GRM4: variants seen among roughly 807,000 people sequenced by gnomAD.
GRM4 encodes glutamate metabotropic receptor 4.
Under a neutral mutation model 81.7 loss-of-function variants are expected in GRM4, and 28 were observed. The observed-to-expected ratio is 0.34, with a 90% CI of 0.25 to 0.47. The LOEUF (loss-of-function observed/expected upper bound fraction) is 0.47, where lower values mean the gene tolerates loss of function less well. GRM4 is among the 20% of genes least tolerant of loss of function. The probability of loss-of-function intolerance (pLI) is 1.00; values close to 1 mark genes in which losing one functional copy is unlikely to be tolerated. For missense variants in GRM4, 948 were observed against 1,290.0 expected, an observed-to-expected ratio of 0.73 and a Z score of 4.06; for synonymous variants, 488 against 528.8, an observed-to-expected ratio of 0.92 and a Z score of 1.06.
At chr6:34,062,215 G>T (rs1038359973) in intron 3 of GRM4, 187 bp from the exon 4 acceptor site, 3 of 533,074 alleles carry the variant, frequency 5.6e-6, no homozygotes, top group Non-Finnish European at 9.8e-6. Flanking sequence ...GCCAGTCTTG[G>T]CTCCACTTAC....
chr6:34,039,383 G>A (rs1764884243), intron 8 of GRM4, among the ~76,000 whole-genome samples: 1 of 152,214 alleles, frequency 6.6e-6, no homozygotes, highest in Admixed American at 6.5e-5. Context: ...CAAGGAGAGT[G>A]GAGGCCAGAT....
intron 2 of GRM4, among the ~76,000 whole-genome samples, chr6:34,117,081 G>T (rs866713752): frequency 1.3e-5 from 2 of 152,120 alleles, no homozygotes; most frequent in African/African-American, 4.8e-5. Flanking sequence ...ATCGGATACC[G>T]GCAAATGCAT....
intron 2 of GRM4, among the ~76,000 whole-genome samples, chr6:34,107,297 G>A (rs182445314): frequency 6.6e-6 from 1 of 152,136 alleles, no homozygotes; most frequent in Non-Finnish European, 1.5e-5. Context: ...CCCTGGCAAG[G>A]GGGGAGAGGC....
intron 2 of GRM4, chr6:34,103,646 G>A (rs1247940831): frequency 3.9e-6 from 6 of 1,533,638 alleles, no homozygotes; most frequent in Non-Finnish European, 5.2e-6. Context: ...AGGCCGGGAG[G>A]AGCCCAGGCA....
At chr6:34,128,304 C>G (rs1561829692) in intron 2 of GRM4, among the ~76,000 whole-genome samples, 1 of 152,008 alleles carries the variant, frequency 6.6e-6, no homozygotes, top group Non-Finnish European at 1.5e-5. Flanking sequence ...TGTGCTGTGA[C>G]ATTTCCTGTG....
rs566518006 is a variant in GRM4, at chr6:34,065,460, C to T, written c.737-3432G>A. Among the ~76,000 whole-genome samples, 12 of 152,306 alleles carry T rather than the reference C, an allele frequency of 7.9e-5. No homozygotes were observed. In the East Asian group the frequency reaches 1.7e-3, roughly 22 times the overall value. On this transcript the variant is annotated intron_variant, in intron 3 of 10. Transcript: ENST00000538487. ...AAGCCCTCAGGGAACAAGCCCACTC[C>T]GTATCTCAGGGCAGAGGCTGGAGCC...
intron 9 of GRM4, among the ~76,000 whole-genome samples, chr6:34,033,171 C>T (rs1199822951): frequency 6.6e-6 from 1 of 152,192 alleles, no homozygotes; most frequent in Non-Finnish European, 1.5e-5. Flanking sequence ...ATGGCTGCAC[C>T]AGGGCTGCTT....
In GRM4 at chr6:34,111,574, G is replaced by C. The variant is rs866663778; in HGVS notation, c.520-19475C>G. Among the ~76,000 whole-genome samples the C allele has an allele frequency of 1.3e-5, 2 of 151,980 alleles. No homozygotes were observed. The highest frequency in any genetic ancestry group is 2.9e-5 in the Non-Finnish European group (2 of 67,960). On this transcript the variant is annotated intron_variant, in intron 2 of 10. Coordinates refer to ENST00000538487, the MANE Select transcript of GRM4 (RefSeq NM_000841.4). The surrounding 1 kb of genome is among the most constrained non-coding windows in gnomAD (Gnocchi z 5.1). ...TGCCCATGGTAGGCAAGAGAGTGCT[G>C]TCCCCCATCCACACCCCGGCAGGGG... is the stretch of plus-strand genomic sequence containing the variant.
At chr6:34,076,658 C>T (rs6928186) in intron 3 of GRM4, among the ~76,000 whole-genome samples, 9,810 of 148,688 alleles carry the variant, frequency 0.066, 761 homozygotes, top group African/African-American at 0.19. Flanking sequence ...GGACCAGCCT[C>T]ACCCAGGGCA....
At chr6:34,120,140 G>C (rs947895980) in intron 2 of GRM4, among the ~76,000 whole-genome samples, 2 of 152,286 alleles carry the variant, frequency 1.3e-5, no homozygotes, top group East Asian at 3.9e-4. Flanking sequence ...GGGTTGAAGG[G>C]TAAGCCAGGC....
At chr6:34,154,999 A>C (rs1771119725) in intron 1 of GRM4, 3 of 1,178,494 alleles carry the variant, frequency 2.5e-6, no homozygotes, top group Admixed American at 3.0e-5. Context: ...ACCCAGGCCC[A>C]GTCTACGCCT....
At chr6:34,032,129 G>A (rs1764466008) in intron 9 of GRM4, among the ~76,000 whole-genome samples, 1 of 151,980 alleles carries the variant, frequency 6.6e-6, no homozygotes, top group Non-Finnish European at 1.5e-5. Context: ...AAACACTCCT[G>A]GGCACATATG....
At chr6:34,032,177 T>C (rs1764468996) in intron 9 of GRM4, among the ~76,000 whole-genome samples, 1 of 151,982 alleles carries the variant, frequency 6.6e-6, no homozygotes, top group Admixed American at 6.5e-5. Context: ...AGCAGCTACA[T>C]ACCCTTCAGC....
intron 3 of GRM4, among the ~76,000 whole-genome samples, chr6:34,083,559 A>G (rs1443168777): frequency 1.3e-5 from 2 of 152,130 alleles, no homozygotes; most frequent in African/African-American, 4.8e-5. Flanking sequence ...AGGGCAGCGG[A>G]AGGCAAGATG....
chr6:34,089,426 C>T lies in GRM4; in HGVS notation c.736+2457G>A, dbSNP rs562452994. On this transcript the variant is annotated intron_variant, in intron 3 of 10. Transcript: ENST00000538487. This position sits in a 1 kb window ranked among gnomAD's most constrained non-coding sequence, Gnocchi z 4.3. Reference sequence around the variant, plus strand: ...CCCACTAAAAGATGTTCCTCCAAATCAAATTTCATTTATTGGGTTGCGCGA... The same window carrying T: ...CCCACTAAAAGATGTTCCTCCAAATTAAATTTCATTTATTGGGTTGCGCGA... Among the ~76,000 whole-genome samples, 1 of 152,100 alleles carries T rather than the reference C, an allele frequency of 6.6e-6. No homozygotes were observed. Among genetic ancestry groups the T allele is most frequent in the East Asian group, 1.9e-4 (1 of 5,150 alleles).
At chr6:34,049,925 C>A (rs1454548894) in intron 6 of GRM4, among the ~76,000 whole-genome samples, 1 of 152,168 alleles carries the variant, frequency 6.6e-6, no homozygotes, top group Non-Finnish European at 1.5e-5. Context: ...GAGGAGTGAG[C>A]AGTTAGTGGC....
intron 2 of GRM4, among the ~76,000 whole-genome samples, chr6:34,123,692 G>A (rs977513839): frequency 1.3e-5 from 2 of 152,218 alleles, no homozygotes; most frequent in Non-Finnish European, 2.9e-5. Context: ...CACCTATGAA[G>A]TGGGTGCTGC....
At position 34,136,503 on chromosome 6, in the gene GRM4, A is replaced by G. The variant is rs914471122; in HGVS notation, c.-363-2644T>C. ...GCTTCCAGATCCTTCGTGAGGGCTC[A>G]CACTGGCTTCTCCTTGAGGCCGGAG... On this transcript the variant is annotated intron_variant, in intron 1 of 10. Transcript: ENST00000538487. The surrounding 1 kb of genome is among the most constrained non-coding windows in gnomAD (Gnocchi z 4.1). Among the ~76,000 whole-genome samples, 1 of 151,546 alleles carries G rather than the reference A, an allele frequency of 6.6e-6. No individual in the cohort carries two copies. The highest frequency in any genetic ancestry group is 6.6e-5 in the Admixed American group (1 of 15,216).
chr6:34,077,227 G>T (rs1767360355), intron 3 of GRM4, among the ~76,000 whole-genome samples: 5 of 152,092 alleles, frequency 3.3e-5, no homozygotes, highest in Admixed American at 3.3e-4. Flanking sequence ...AGAGTTGAAA[G>T]CTCCTTTCTG....
Sources: gnomAD v4.1 joint callset for allele counts (sites outside exome capture counted in the v4.1 genomes callset) on GRCh38, gnomAD v4.1.1 for gene constraint, Gnocchi (gnomAD v3.1) non-coding constraint, MANE v1.5 for transcripts, NCBI Gene and HGNC (gene_info 2026-07-23, HGNC 2026-07-21) for gene names.